TMEM268: variants seen among roughly 807,000 people sequenced by gnomAD.
TMEM268 encodes transmembrane protein C9orf91.
Under a neutral mutation model 39.1 loss-of-function variants are expected in TMEM268, and 24 were observed. The observed-to-expected ratio is 0.61, with a 90% CI of 0.44 to 0.86. The LOEUF (loss-of-function observed/expected upper bound fraction) is 0.86, where lower values mean the gene tolerates loss of function less well. TMEM268 is among the 40% of genes least tolerant of loss of function. TMEM268 has a pLI of 0.00. For synonymous variants in TMEM268, 176 were observed against 173.5 expected (o/e 1.01, Z -0.12); for missense variants, 409 against 428.6 (o/e 0.95, Z 0.40).
At chr9:114,616,437 C>T (rs1845717488) in intron 1 of TMEM268, among the ~76,000 whole-genome samples, 1 of 152,282 alleles carries the variant, frequency 6.6e-6, no homozygotes, top group African/African-American at 2.4e-5. Context: ...GCAATCTCAG[C>T]TCACTGCAAC....
chr9:114,605,024 T>C, the TMEM268 span, among the ~76,000 whole-genome samples: 32,860 of 152,174 alleles, frequency 0.22, 3,565 homozygotes, highest in Middle Eastern at 0.27. Context: ...CTTGGCTTCC[T>C]GTAACCCCAG....
intron 2 of TMEM268, chr9:114,624,090 G>T: frequency 2.4e-6 from 1 of 408,580 alleles, no homozygotes; most frequent in Non-Finnish European, 3.8e-6. Flanking sequence ...GACAGCTTTT[G>T]CTCTTGGAAA....
the TMEM268 span, among the ~76,000 whole-genome samples, chr9:114,605,736 CAG>C: frequency 3.3e-5 from 5 of 151,944 alleles, no homozygotes; most frequent in African/African-American, 1.2e-4. Flanking sequence ...GACTGGGCAA[CAG>C]GGGGAAACCC....
chr9:114,622,089 T>A (rs1845968685), intron 2 of TMEM268: 1 of 985,222 alleles, frequency 1.0e-6, no homozygotes, highest in Admixed American at 6.1e-5. Flanking sequence ...ACAGATGTTT[T>A]GTTTGCCTAG....
Position 114,611,508 on chromosome 9 carries a change from GC to G in TMEM268, c.-130del. On this transcript the variant is annotated 5_prime_UTR_variant, in exon 1 of 9. Transcript: ENST00000288502. Reference sequence around the variant, plus strand: ...GAGGCTGCGGCATTAGGGGCTCGGCGCCCCCGACCTTCCGCGTCCCGGGGTG... The same window carrying G: ...GAGGCTGCGGCATTAGGGGCTCGGCGCCCCGACCTTCCGCGTCCCGGGGTG... 6.1e-6 allele frequency: 1 copy of G among 162,928 alleles called. No homozygotes were observed. Among genetic ancestry groups the G allele is most frequent in the Non-Finnish European group, 1.3e-5 (1 of 79,490 alleles). 10.1% of individuals were successfully genotyped at this position (162,928 alleles called of 1,614,324 possible). A position where few individuals can be genotyped will look rare whatever the true frequency, so the allele number is the denominator to read the frequency against.
chr9:114,629,849 T>C (rs2133664516), intron 5 of TMEM268, among the ~76,000 whole-genome samples: 1 of 152,346 alleles, frequency 6.6e-6, no homozygotes, highest in South Asian at 2.1e-4. Context: ...GTGTACTCAT[T>C]CTGTAAGGAT....
chr9:114,621,564 G>A (rs995354188), intron 2 of TMEM268, among the ~76,000 whole-genome samples: 1 of 152,132 alleles, frequency 6.6e-6, no homozygotes, highest in African/African-American at 2.4e-5. Flanking sequence ...TAGCTTGGGC[G>A]AGTATTAAGG....
At chr9:114,620,252 TTA>T (rs1845895482) in intron 2 of TMEM268, among the ~76,000 whole-genome samples, 1 of 151,728 alleles carries the variant, frequency 6.6e-6, no homozygotes, top group Non-Finnish European at 1.5e-5. Flanking sequence ...AGTTACTTAC[TTA>T]TTTTTTTTGA....
Position 114,645,497 on chromosome 9 carries a change from G to T in TMEM268, c.*2184G>T, listed in dbSNP as rs542527039. 14 of 152,500 alleles carry T rather than the reference G, an allele frequency of 9.2e-5. No homozygotes were observed. Among genetic ancestry groups the T allele is most frequent in the Admixed American group, 7.8e-4 (12 of 15,308 alleles). The allele number at this position is 152,500 out of a possible 1,614,324, so 9.4% of individuals were successfully genotyped here. On this transcript the variant is annotated 3_prime_UTR_variant, in exon 9 of 9. Transcript: ENST00000288502. The stretch of plus-strand genomic sequence containing the variant: ...GTATAGACCAGCCCCTGGAAAGGCT[G>T]CTTTGGTCAAGGCTGAGAGCAGCTT...
intron 2 of TMEM268, among the ~76,000 whole-genome samples, chr9:114,621,873 AG>A (rs1298579900): frequency 3.3e-5 from 5 of 152,232 alleles, no homozygotes; most frequent in Non-Finnish European, 5.9e-5. Flanking sequence ...AAGGGCTGGA[AG>A]AACGTGGTAA....
At chr9:114,612,210 G>A (rs1178082969) in intron 1 of TMEM268, among the ~76,000 whole-genome samples, 3 of 152,136 alleles carry the variant, frequency 2.0e-5, no homozygotes, top group Admixed American at 6.5e-5. Flanking sequence ...CTGGGCACTC[G>A]GTGTCTGCAG....
At chr9:114,616,829 C>T (rs1202223886) in intron 1 of TMEM268, among the ~76,000 whole-genome samples, 1 of 152,128 alleles carries the variant, frequency 6.6e-6, no homozygotes, top group Non-Finnish European at 1.5e-5. Context: ...GGCAGTGGGG[C>T]CTGGTCAGCT....
chr9:114,625,807 T>TTTCAA (rs898863099), intron 3 of TMEM268, among the ~76,000 whole-genome samples: 1 of 151,670 alleles, frequency 6.6e-6, no homozygotes, highest in African/African-American at 2.4e-5. Flanking sequence ...ATATAATTTT[T>TTTCAA]TTCAATTCAA....
rs763575222 is a variant in TMEM268, at chr9:114,643,175, C to T, written c.891C>T (p.Tyr297=). The T allele has an allele frequency of 3.1e-6, 5 of 1,614,212 alleles. No individual in the cohort carries two copies. Among genetic ancestry groups the T allele is most frequent in the Non-Finnish European group, 3.4e-6 (4 of 1,180,030 alleles). ...TGCTGGCAGTGTTTGGCGGCTACTA[C>T]ATCCGGCTTCTAGTGACCTCCCAGC... is the stretch of plus-strand genomic sequence containing the variant. ...RQLLAVFGGY[Y]IRLLVTSQLP... Residue 297 remains tyrosine, a synonymous_variant, in exon 9 of 9, where the codon TAC becomes TAT. Coordinates refer to ENST00000288502, the MANE Select transcript of TMEM268 (RefSeq NM_153045.4).
At chr9:114,640,056 T>TA (rs552235383) in intron 8 of TMEM268, among the ~76,000 whole-genome samples, 83 of 140,882 alleles carry the variant, frequency 5.9e-4, no homozygotes, top group African/African-American at 1.1e-3. Flanking sequence ...GCCAAAATAT[T>TA]AAAAAAAAAA....
chr9:114,621,044 G>C (rs932330757), intron 2 of TMEM268, among the ~76,000 whole-genome samples: 5 of 152,072 alleles, frequency 3.3e-5, no homozygotes, highest in Non-Finnish European at 7.4e-5. Flanking sequence ...TATGAAAAAA[G>C]AACCTTTTCC....
chr9:114,626,088 G>A lies in TMEM268; in HGVS notation c.217-811G>A, dbSNP rs929244925. On this transcript the variant is annotated intron_variant, in intron 3 of 8. Transcript: ENST00000288502. ...GATCCGCCCGCCTTGACCTCCCAAA[G>A]TGCGGGGATTACAGGTGTGAGCCAC... is the stretch of plus-strand genomic sequence containing the variant. Among the ~76,000 whole-genome samples the A allele has an allele frequency of 1.1e-4, 16 of 152,130 alleles. 1 individual carries two copies. The highest frequency in any genetic ancestry group is 3.1e-4 in the African/African-American group (13 of 41,424).
rs1279061922 is a variant in TMEM268 at position 114,645,416 on chromosome 9, T to A, written c.*2103T>A. 6.6e-6 allele frequency: 1 copy of A among 152,374 alleles called. No homozygotes were observed. Among genetic ancestry groups the A allele is most frequent in the Non-Finnish European group, 1.5e-5 (1 of 68,042 alleles). The allele number at this position is 152,374 out of a possible 1,614,324, so 9.4% of individuals were successfully genotyped here. ...AATGTAATAAACACGTGGCTTGCCA[T>A]TCAAGAGATGAGTCTGACCATTCAC... On this transcript the variant is annotated 3_prime_UTR_variant, in exon 9 of 9. Transcript: ENST00000288502.
intron 2 of TMEM268, among the ~76,000 whole-genome samples, chr9:114,620,964 A>G (rs924835668): frequency 5.3e-5 from 8 of 152,108 alleles, no homozygotes; most frequent in African/African-American, 1.9e-4. Flanking sequence ...AGCAAAATAA[A>G]TTTCTTTTTG....
Sources: allele counts gnomAD v4.1 joint callset (sites outside exome capture counted in the v4.1 genomes callset), GRCh38; gene constraint gnomAD v4.1.1; transcripts MANE v1.5; gene names NCBI Gene and HGNC (gene_info 2026-07-23, HGNC 2026-07-21).